Variants in TTC39C observed in about 807,000 individuals in gnomAD.
TTC39C encodes tetratricopeptide repeat domain 39C.
In TTC39C, 33 loss-of-function variants were observed where a neutral mutation model predicts 76.3. The ratio of observed to expected loss-of-function variants is 0.43; its 90% CI spans 0.33 to 0.58. The LOEUF is 0.58. Among genes scored for constraint, TTC39C ranks in the 20% least tolerant of loss-of-function variants. The probability of loss-of-function intolerance (pLI) is 0.04; values close to 1 mark genes in which losing one functional copy is unlikely to be tolerated. For missense variants in TTC39C, 595 were observed against 701.4 expected (o/e 0.85, Z 1.71); for synonymous variants, 254 against 260.6 (o/e 0.97, Z 0.24).
intron 1 of TTC39C, among the ~76,000 whole-genome samples, chr18:24,007,240 C>T (rs905960151): frequency 2.6e-5 from 4 of 152,174 alleles, no homozygotes; most frequent in Non-Finnish European, 1.5e-5. Context: ...ACATGTTGGA[C>T]ACACAGAACA....
At chr18:24,128,851 T>G (rs2085084284) in intron 10 of TTC39C, 35 bp from the exon 11 acceptor site, 1 of 1,540,712 alleles carries the variant, frequency 6.5e-7, no homozygotes, top group Non-Finnish European at 8.9e-7. Flanking sequence ...TGAATGCATT[T>G]GCTTACTGCT....
At chr18:24,031,593 CT>C (rs1183695395) in intron 1 of TTC39C, among the ~76,000 whole-genome samples, 1 of 152,192 alleles carries the variant, frequency 6.6e-6, no homozygotes, top group African/African-American at 2.4e-5. Flanking sequence ...ATCCACTTCT[CT>C]TCATCTTTAC....
chr18:24,045,927 A>ATATATATAT (rs1568417525), intron 1 of TTC39C, among the ~76,000 whole-genome samples: 4 of 25,678 alleles, frequency 1.6e-4, no homozygotes, highest in African/African-American at 6.7e-4. Flanking sequence ...ATATATATAT[A>ATATATATAT]TTTTTTTTTT....
At chr18:24,095,236 A>G (rs1262994931) in intron 6 of TTC39C, among the ~76,000 whole-genome samples, 2 of 152,188 alleles carry the variant, frequency 1.3e-5, no homozygotes, top group African/African-American at 4.8e-5. Context: ...GCCTTCAAAG[A>G]ATTGAAGAGA....
At chr18:24,030,725 A>G (rs2083658931) in intron 1 of TTC39C, among the ~76,000 whole-genome samples, 1 of 141,912 alleles carries the variant, frequency 7.0e-6, no homozygotes, top group South Asian at 2.2e-4. Context: ...ATCTAGACAC[A>G]CTGCAACCTC....
intron 7 of TTC39C, 176 bp downstream of exon 7, chr18:24,114,823 T>G (rs1163595970): frequency 3.8e-6 from 2 of 524,434 alleles, no homozygotes; most frequent in Non-Finnish European, 6.8e-6. Context: ...TCATTACGTT[T>G]TTATAACATT....
chr18:24,009,629 T>A (rs2083380386), intron 1 of TTC39C, among the ~76,000 whole-genome samples: 2 of 152,314 alleles, frequency 1.3e-5, no homozygotes, highest in Non-Finnish European at 2.9e-5. Context: ...ACAGAAGACC[T>A]GCAGTCACAC....
intron 1 of TTC39C, among the ~76,000 whole-genome samples, chr18:24,033,691 T>G (rs913439606): frequency 6.6e-6 from 1 of 152,248 alleles, no homozygotes; most frequent in Non-Finnish European, 1.5e-5. Flanking sequence ...CTACTGTGTA[T>G]GAGCTTTGAG....
intron 1 of TTC39C, among the ~76,000 whole-genome samples, chr18:24,023,372 C>T (rs2083539226): frequency 6.6e-6 from 1 of 152,208 alleles, no homozygotes; most frequent in Non-Finnish European, 1.5e-5. Flanking sequence ...AAAGCCGCTG[C>T]TGAGCCACAT....
At chr18:24,131,317 T>C (rs2085126393) in intron 12 of TTC39C, among the ~76,000 whole-genome samples, 1 of 152,026 alleles carries the variant, frequency 6.6e-6, no homozygotes. Context: ...ACCTAAGATA[T>C]TATATCTTAG....
At chr18:24,120,305 G>A (rs1306391748) in intron 8 of TTC39C, among the ~76,000 whole-genome samples, 1 of 152,094 alleles carries the variant, frequency 6.6e-6, no homozygotes, top group African/African-American at 2.4e-5. Flanking sequence ...AGCTGAGATC[G>A]CTCCACTGCA....
chr18:24,035,526 A>T (rs1046363476), intron 1 of TTC39C, among the ~76,000 whole-genome samples: 1 of 152,168 alleles, frequency 6.6e-6, no homozygotes, highest in Non-Finnish European at 1.5e-5. Flanking sequence ...CCCAGTGATT[A>T]GTGATATTGA....
chr18:24,074,801 G>A (rs183942771), intron 4 of TTC39C, among the ~76,000 whole-genome samples: 2 of 152,138 alleles, frequency 1.3e-5, no homozygotes, highest in Non-Finnish European at 2.9e-5. Flanking sequence ...TCATTACTGG[G>A]TATATACCCA....
At chr18:24,040,435 G>T (rs1026351500) in intron 1 of TTC39C, among the ~76,000 whole-genome samples, 4 of 152,068 alleles carry the variant, frequency 2.6e-5, no homozygotes, top group African/African-American at 4.8e-5. Context: ...TAACCCTAAC[G>T]TAACTTTTAA....
At chr18:24,091,728 C>A (rs768225187) in intron 6 of TTC39C, among the ~76,000 whole-genome samples, 1 of 152,054 alleles carries the variant, frequency 6.6e-6, no homozygotes. Context: ...ATATCTGATA[C>A]GGGACTTGTA....
At chr18:24,029,323 G>A (rs1232693569) in intron 1 of TTC39C, among the ~76,000 whole-genome samples, 1 of 152,088 alleles carries the variant, frequency 6.6e-6, no homozygotes, top group African/African-American at 2.4e-5. Flanking sequence ...GGTTGGTCTC[G>A]AACTCCTGAC....
intron 1 of TTC39C, among the ~76,000 whole-genome samples, chr18:24,051,739 G>T (rs932514393): frequency 6.6e-6 from 1 of 152,226 alleles, no homozygotes; most frequent in East Asian, 1.9e-4. Context: ...AAATAAGCAC[G>T]TGTGCTTTTG....
chr18:24,125,595 G>A (rs754220591), intron 10 of TTC39C, 45 bp downstream of exon 10: 1 of 1,608,908 alleles, frequency 6.2e-7, no homozygotes, highest in Non-Finnish European at 8.5e-7. Flanking sequence ...GGACACACTG[G>A]CTTCTTCTGT....
chr18:24,109,665 G>C (rs2145802230), intron 6 of TTC39C, among the ~76,000 whole-genome samples: 1 of 152,326 alleles, frequency 6.6e-6, no homozygotes, highest in African/African-American at 2.4e-5. Flanking sequence ...GATAACCAGA[G>C]TAAAGCACTA....
Sources: allele counts gnomAD v4.1 joint callset (sites outside exome capture counted in the v4.1 genomes callset), GRCh38; gene constraint gnomAD v4.1.1; transcripts MANE v1.5; gene names NCBI Gene and HGNC (gene_info 2026-07-23, HGNC 2026-07-21).